Variants in FAM135A observed in about 807,000 individuals in gnomAD.
The protein encoded by FAM135A is protein FAM135A.
A neutral mutation model predicts 146.8 loss-of-function variants in FAM135A; 79 were observed. That is an observed-to-expected ratio of 0.54 (90% CI 0.45 to 0.65). The LOEUF (loss-of-function observed/expected upper bound fraction) is 0.65, where lower values mean the gene tolerates loss of function less well. Ranked by LOEUF, FAM135A falls within the 30% of genes least tolerant of loss-of-function variation. FAM135A has a pLI of 0.00. For missense variants in FAM135A, 1,623 were observed against 1,758.2 expected, an observed-to-expected ratio of 0.92 and a Z score of 1.38; for synonymous variants, 562 against 603.6, an observed-to-expected ratio of 0.93 and a Z score of 1.01.
intron 11 of FAM135A, among the ~76,000 whole-genome samples, chr6:70,495,639 T>G: frequency 6.6e-6 from 1 of 152,154 alleles, no homozygotes; most frequent in Non-Finnish European, 1.5e-5. Flanking sequence ...TTTTATTTTA[T>G]TTTTTATTTT....
intron 2 of FAM135A, among the ~76,000 whole-genome samples, chr6:70,423,708 G>A (rs1003285111): frequency 5.3e-5 from 8 of 152,196 alleles, no homozygotes; most frequent in African/African-American, 1.9e-4. Context: ...GTGACCATTT[G>A]GCTAAAAGGA....
Position 70,450,789 on chromosome 6 carries a change from G to A in FAM135A, c.78-1703G>A, listed in dbSNP as rs555012914. On this transcript the variant is annotated intron_variant, in intron 4 of 21. Transcript: ENST00000418814. The stretch of plus-strand genomic sequence containing the variant: ...AGAGTCTCACTCTGTCTCTCAGGCT[G>A]TTAGTGCAGTGGTATGATCTCAGCT... Among the ~76,000 whole-genome samples the A allele has an allele frequency of 3.7e-5, 4 of 108,584 alleles. No homozygotes were observed. The East Asian group carries it at 1.3e-3, about 34-fold the overall frequency. 71.2% of individuals were successfully genotyped at this position (108,584 alleles called of 152,430 possible).
intron 8 of FAM135A, among the ~76,000 whole-genome samples, chr6:70,478,542 A>T (rs1415429491): frequency 2.0e-5 from 3 of 152,184 alleles, no homozygotes; most frequent in Non-Finnish European, 4.4e-5. Flanking sequence ...AATTTAACAT[A>T]TTGACCACAG....
intron 12 of FAM135A, among the ~76,000 whole-genome samples, chr6:70,516,558 CAG>C (rs1337213655): frequency 9.9e-6 from 1 of 101,426 alleles, no homozygotes; most frequent in African/African-American, 4.0e-5. Context: ...TTTTTTGAGA[CAG>C]AGTCTTGCTC....
At chr6:70,453,571 C>G (rs975525630) in intron 5 of FAM135A, among the ~76,000 whole-genome samples, 3 of 151,988 alleles carry the variant, frequency 2.0e-5, no homozygotes, top group Non-Finnish European at 2.9e-5. Flanking sequence ...CCCATCCCCC[C>G]ACCCCACAAC....
chr6:70,506,079 A>G (rs1198387924), intron 12 of FAM135A, among the ~76,000 whole-genome samples: 1 of 152,184 alleles, frequency 6.6e-6, no homozygotes, highest in Non-Finnish European at 1.5e-5. Context: ...TTTCAGGAAC[A>G]TCATTTCTCA....
intron 20 of FAM135A, among the ~76,000 whole-genome samples, chr6:70,544,981 G>A (rs1798584191): frequency 6.6e-6 from 1 of 151,514 alleles, no homozygotes; most frequent in Non-Finnish European, 1.5e-5. Flanking sequence ...AACCCAGGAG[G>A]CGTAGGATGC....
chr6:70,499,522 C>G (rs1243884160), intron 11 of FAM135A, among the ~76,000 whole-genome samples: 1 of 152,140 alleles, frequency 6.6e-6, no homozygotes, highest in Non-Finnish European at 1.5e-5. Context: ...ATCTTGTCAT[C>G]ATGATACTAG....
chr6:70,429,635 A>C (rs1365497099), intron 4 of FAM135A, among the ~76,000 whole-genome samples: 1 of 152,208 alleles, frequency 6.6e-6, no homozygotes, highest in Non-Finnish European at 1.5e-5. Context: ...AAAGACTTTA[A>C]TGTCTAGAGA....
intron 4 of FAM135A, among the ~76,000 whole-genome samples, chr6:70,449,657 A>C (rs762706380): frequency 7.2e-5 from 11 of 152,130 alleles, no homozygotes; most frequent in Admixed American, 5.2e-4. Flanking sequence ...TTATCTAGTC[A>C]TCCATTGATA....
intron 12 of FAM135A, among the ~76,000 whole-genome samples, chr6:70,518,780 G>A (rs1344693708): frequency 6.6e-6 from 1 of 152,168 alleles, no homozygotes; most frequent in African/African-American, 2.4e-5. Context: ...GCCCACTGTT[G>A]AGACCTACAG....
intron 7 of FAM135A, among the ~76,000 whole-genome samples, chr6:70,476,363 G>C (rs1482278882): frequency 6.6e-6 from 1 of 152,104 alleles, no homozygotes; most frequent in African/African-American, 2.4e-5. Context: ...TCTCAAAAAT[G>C]ATATATAAAT....
At position 70,559,212 on chromosome 6, in the gene FAM135A, G is replaced by A. The variant is rs186608581; in HGVS notation, c.4343-504G>A. ...TCCCAGCACTTTGGGAGGCTGAGGCGGGAGGATCGCCTGAGGTCAGGAGTT... is the reference window on the plus strand; with the variant it reads ...TCCCAGCACTTTGGGAGGCTGAGGCAGGAGGATCGCCTGAGGTCAGGAGTT... On this transcript the variant is annotated intron_variant, in intron 21 of 21. Transcript: ENST00000418814. 9.3e-4 allele frequency among the ~76,000 whole-genome samples: 142 copies of A among 152,238 alleles called. No individual in the cohort carries two copies. The East Asian group carries it at 0.018, about 19-fold the overall frequency.
At chr6:70,493,829 G>T (rs1427300892) in intron 11 of FAM135A, among the ~76,000 whole-genome samples, 1 of 152,144 alleles carries the variant, frequency 6.6e-6, no homozygotes, top group Non-Finnish European at 1.5e-5. Context: ...GAAGCGGGCG[G>T]ATCACCTGAG....
At chr6:70,432,783 G>T (rs1034097180) in intron 4 of FAM135A, among the ~76,000 whole-genome samples, 1 of 151,192 alleles carries the variant, frequency 6.6e-6, no homozygotes, top group African/African-American at 2.4e-5. Context: ...TATAAAGGAA[G>T]ACATCGACTT....
intron 4 of FAM135A, among the ~76,000 whole-genome samples, chr6:70,447,609 A>T (rs1385917310): frequency 6.6e-6 from 1 of 152,152 alleles, no homozygotes; most frequent in Admixed American, 6.5e-5. Context: ...TACAGGGGTG[A>T]GGGAATGGTC....
Position 70,482,003 on chromosome 6 carries a change from T to A in FAM135A, c.672T>A (p.Gly224=). ...INYTKQLSPD[G]CSFIIADSFL... Reference sequence around the variant, plus strand: ...TCCTACATCTGTTTTTTGTTTAGGGTTGTAGCTTCATCATTGCAGACTCCT... The same window carrying A: ...TCCTACATCTGTTTTTTGTTTAGGGATGTAGCTTCATCATTGCAGACTCCT... Residue 224 remains glycine, a splice_region_variant and synonymous_variant, in exon 10 of 22, where the codon GGT becomes GGA. Coordinates refer to ENST00000418814, the MANE Select transcript of FAM135A (RefSeq NM_001162529.3). 6.2e-7 allele frequency: 1 copy of A among 1,612,400 alleles called. No homozygotes were observed. Among genetic ancestry groups the A allele is most frequent in the South Asian group, 1.1e-5 (1 of 90,912 alleles).
chr6:70,527,248 A>G (rs1046932903), intron 15 of FAM135A, among the ~76,000 whole-genome samples: 2 of 152,106 alleles, frequency 1.3e-5, no homozygotes, highest in African/African-American at 4.8e-5. Context: ...GTACCAGTAA[A>G]ATATCCAGAA....
chr6:70,521,891 T>C (rs968058515), intron 12 of FAM135A, among the ~76,000 whole-genome samples: 3 of 152,208 alleles, frequency 2.0e-5, no homozygotes, highest in African/African-American at 7.2e-5. Context: ...GATGCAAAGG[T>C]CATCAAAACA....
Sources: gnomAD v4.1 joint callset for allele counts (sites outside exome capture counted in the v4.1 genomes callset) on GRCh38, gnomAD v4.1.1 for gene constraint, MANE v1.5 for transcripts, NCBI Gene and HGNC (gene_info 2026-07-23, HGNC 2026-07-21) for gene names.